Variants in PLAA observed in about 807,000 individuals in gnomAD.
PLAA encodes phospholipase A2 activating protein, also known as phospholipase A-2-activating protein.
In PLAA, 48 loss-of-function variants were observed where a neutral mutation model predicts 84.1. That is an observed-to-expected ratio of 0.57 (90% CI 0.45 to 0.73). The LOEUF is 0.73. Ranked by LOEUF, PLAA falls within the 30% of genes least tolerant of loss-of-function variation. PLAA has a pLI of 0.00. For missense variants in PLAA, 903 were observed against 954.7 expected (o/e 0.95, Z 0.71); for synonymous variants, 392 against 336.6 (o/e 1.16, Z -1.80).
At chr9:26,936,148 C>G (rs1825350456) in intron 1 of PLAA, among the ~76,000 whole-genome samples, 1 of 151,906 alleles carries the variant, frequency 6.6e-6, no homozygotes, top group Admixed American at 6.6e-5. Flanking sequence ...AAAGACTAAA[C>G]AAACTCATCT....
intron 4 of PLAA, 132 bp downstream of exon 4, chr9:26,927,968 A>T: frequency 9.8e-7 from 1 of 1,022,358 alleles, no homozygotes; most frequent in Non-Finnish European, 1.4e-6. Flanking sequence ...CAGAAAAATT[A>T]CATTAACTCA....
intron 7 of PLAA, among the ~76,000 whole-genome samples, chr9:26,922,017 T>C (rs1157424380): frequency 6.6e-6 from 1 of 152,224 alleles, no homozygotes; most frequent in Admixed American, 6.5e-5. Context: ...GTCTGCCAAA[T>C]ACCAAAGCCT....
In PLAA at chr9:26,915,653, A is replaced by G. The variant is rs192065325; in HGVS notation, c.1486+1444T>C. 4.1e-4 allele frequency: 389 copies of G among 960,008 alleles called. 1 individual carries two copies. The African/African-American group carries it at 6.4e-3, about 16-fold the overall frequency. The allele number at this position is 960,008 out of a possible 1,614,324, so 59.5% of individuals were successfully genotyped here. On this transcript the variant is annotated intron_variant, in intron 10 of 13. Transcript: ENST00000397292. ...GGTAGATGCTGTTATATATTTATAC[A>G]AAAGTGTATTCAATTATCCTGATAC... is the stretch of plus-strand genomic sequence containing the variant.
At chr9:26,929,198 T>C (rs1411834884) in intron 2 of PLAA, among the ~76,000 whole-genome samples, 1 of 151,802 alleles carries the variant, frequency 6.6e-6, no homozygotes, top group Non-Finnish European at 1.5e-5. Flanking sequence ...CAAGATTCTG[T>C]CTTTAAAAAA....
At chr9:26,937,482 A>G (rs1825397437) in intron 1 of PLAA, among the ~76,000 whole-genome samples, 1 of 152,164 alleles carries the variant, frequency 6.6e-6, no homozygotes, top group African/African-American at 2.4e-5. Flanking sequence ...TTTCAACCAC[A>G]ACAAAAAAAT....
At chr9:26,933,358 C>T (rs188133112) in intron 2 of PLAA, among the ~76,000 whole-genome samples, 2 of 151,286 alleles carry the variant, frequency 1.3e-5, no homozygotes, top group African/African-American at 2.4e-5. Context: ...TCGCTTCAAC[C>T]CGGGAGGCAG....
intron 1 of PLAA, among the ~76,000 whole-genome samples, chr9:26,942,638 T>C (rs1358430767): frequency 1.3e-5 from 2 of 152,096 alleles, no homozygotes; most frequent in African/African-American, 4.8e-5. Context: ...ATCCGAGCAC[T>C]TTGGGAGGCC....
chr9:26,941,017 G>A (rs932067046), intron 1 of PLAA, among the ~76,000 whole-genome samples: 4 of 152,046 alleles, frequency 2.6e-5, no homozygotes, highest in Admixed American at 2.0e-4. Flanking sequence ...GTGCATCTTC[G>A]GTAGTGGTCT....
Position 26,917,169 on chromosome 9 carries a change from T to C in PLAA, c.1418-4A>G. 1.9e-6 allele frequency: 3 copies of C among 1,613,502 alleles called. No individual in the cohort carries two copies. The highest frequency in any genetic ancestry group is 1.1e-5 in the South Asian group (1 of 91,052). ...CCCGGAACATACCGACCACCACCTG[T>C]GCATGCAAAATAAAGAAAAGGCAGA... On this transcript the variant is annotated splice_region_variant and splice_polypyrimidine_tract_variant and intron_variant, in intron 9 of 13. Transcript: ENST00000397292.
At chr9:26,913,989 A>G in intron 10 of PLAA, 42 bp from the exon 11 acceptor site, 1 of 1,403,490 alleles carries the variant, frequency 7.1e-7, no homozygotes, top group Non-Finnish European at 1.0e-6. Context: ...GGTGACTGTA[A>G]ATTATAAAGT....
rs539778490 is a variant in PLAA at position 26,947,189 on chromosome 9, G to A, written c.-144C>T. On this transcript the variant is annotated 5_prime_UTR_variant, in exon 1 of 14. Coordinates refer to ENST00000397292, the MANE Select transcript of PLAA (RefSeq NM_001031689.3). ...ACCGGAAGAGCCCGAGAGCCGGTACGGAAGGGCGGCTGGGAAGGGGCGCGC... is the reference window on the plus strand; with the variant it reads ...ACCGGAAGAGCCCGAGAGCCGGTACAGAAGGGCGGCTGGGAAGGGGCGCGC... The A allele has an allele frequency of 8.1e-4, 805 of 995,142 alleles. 10 individuals carry two copies. In the African/African-American group the frequency reaches 0.013, roughly 16 times the overall value. 61.6% of individuals were successfully genotyped at this position (995,142 alleles called of 1,614,324 possible).
intron 11 of PLAA, 104 bp downstream of exon 11, chr9:26,913,775 A>T (rs1409849165): frequency 1.3e-6 from 1 of 767,644 alleles, no homozygotes; most frequent in Non-Finnish European, 2.1e-6. Context: ...CTATATAAAA[A>T]GTTCTCAAGC....
chr9:26,940,013 TAAC>T (rs1430962407), intron 1 of PLAA, among the ~76,000 whole-genome samples: 2 of 152,042 alleles, frequency 1.3e-5, no homozygotes, highest in Admixed American at 6.6e-5. Flanking sequence ...AAAGAGGACT[TAAC>T]AAAATAAATC....
At chr9:26,920,822 T>C (rs1357899926) in intron 7 of PLAA, among the ~76,000 whole-genome samples, 1 of 152,146 alleles carries the variant, frequency 6.6e-6, no homozygotes, top group Admixed American at 6.5e-5. Flanking sequence ...AAAATATATC[T>C]AGAAAACTGT....
intron 4 of PLAA, 150 bp downstream of exon 4, chr9:26,927,950 T>G: frequency 1.2e-6 from 1 of 833,490 alleles, no homozygotes; most frequent in South Asian, 1.9e-5. Flanking sequence ...TATTAGATAT[T>G]AACTCATCAG....
At chr9:26,935,777 G>GATAACTGATAAGCTA (rs1432825966) in intron 1 of PLAA, among the ~76,000 whole-genome samples, 1 of 151,628 alleles carries the variant, frequency 6.6e-6, no homozygotes, top group African/African-American at 2.4e-5. Context: ...TAACACTAAT[G>GATAACTGATAAGCTA]ATAACTGATA....
At chr9:26,916,619 A>G in intron 10 of PLAA, 1 of 988,624 alleles carries the variant, frequency 1.0e-6, no homozygotes, top group Middle Eastern at 5.2e-4. Context: ...ATCAGGGCTC[A>G]CATGGCTCCT....
intron 2 of PLAA, among the ~76,000 whole-genome samples, chr9:26,934,801 TA>T (rs1825306137): frequency 6.6e-6 from 1 of 152,178 alleles, no homozygotes; most frequent in Admixed American, 6.6e-5. Flanking sequence ...GATTACTTTT[TA>T]CATATATAAG....
rs755123457 is a variant in PLAA, at chr9:26,905,793, C to T, written c.2106G>A (p.Leu702=). 6.2e-7 allele frequency: 1 copy of T among 1,614,090 alleles called. No homozygotes were observed. The highest frequency in any genetic ancestry group is 8.5e-7 in the Non-Finnish European group (1 of 1,180,008). Residue 702 remains leucine (L), a synonymous_variant, in exon 14 of 14, where the codon CTG becomes CTA. Coordinates refer to ENST00000397292, the MANE Select transcript of PLAA (RefSeq NM_001031689.3). ...CAGAATAGTTCAGGGCCAATGTAGC[C>T]AGAGCAATGTGAATGTTCTTATTGC... ...SGSNKNIHIA[L]ATLALNYSVC... is the part of the protein sequence containing the mutation.
Sources: allele counts gnomAD v4.1 joint callset (sites outside exome capture counted in the v4.1 genomes callset), GRCh38; gene constraint gnomAD v4.1.1; transcripts MANE v1.5; gene names NCBI Gene and HGNC (gene_info 2026-07-23, HGNC 2026-07-21).